The following AOAH variants were observed in gnomAD, a reference collection of about 807,000 sequenced individuals.
The protein encoded by AOAH is acyloxyacyl hydrolase.
AOAH carries 64 observed loss-of-function variants against 92.2 expected under a neutral mutation model. That is an observed-to-expected ratio of 0.69 (90% CI 0.57 to 0.86). The LOEUF (loss-of-function observed/expected upper bound fraction) is 0.86, where lower values mean the gene tolerates loss of function less well. Among genes scored for constraint, AOAH ranks in the 40% least tolerant of loss-of-function variants. AOAH has a pLI of 0.00. For missense variants in AOAH, 656 were observed against 694.6 expected, an observed-to-expected ratio of 0.94 and a Z score of 0.62; for synonymous variants, 263 against 254.5, an observed-to-expected ratio of 1.03 and a Z score of -0.32.
intron 6 of AOAH, among the ~76,000 whole-genome samples, chr7:36,626,487 A>G (rs1421449641): frequency 6.6e-6 from 1 of 152,218 alleles, no homozygotes; most frequent in East Asian, 1.9e-4. Context: ...ATAAATTGCA[A>G]CTTGTGTAAT....
intron 11 of AOAH, among the ~76,000 whole-genome samples, chr7:36,615,316 A>G (rs1203238401): frequency 6.6e-6 from 1 of 152,370 alleles, no homozygotes; most frequent in Non-Finnish European, 1.5e-5. Flanking sequence ...ATAGCAAATA[A>G]GAAAATACCA....
intron 6 of AOAH, among the ~76,000 whole-genome samples, chr7:36,628,192 A>ACAAT (rs1230257978): frequency 6.6e-6 from 1 of 152,218 alleles, no homozygotes; most frequent in Non-Finnish European, 1.5e-5. Context: ...TTGAATTAAC[A>ACAAT]CAATCAACAA....
At chr7:36,537,923 T>A (rs1038477373) in intron 16 of AOAH, among the ~76,000 whole-genome samples, 4 of 151,718 alleles carry the variant, frequency 2.6e-5, no homozygotes, top group African/African-American at 4.8e-5. Context: ...TCCACAGAAG[T>A]GGACAAATCC....
chr7:36,661,985 C>A (rs1350179083), intron 3 of AOAH, among the ~76,000 whole-genome samples: 1 of 152,164 alleles, frequency 6.6e-6, no homozygotes, highest in African/African-American at 2.4e-5. Context: ...GCAGTTGTAA[C>A]GGTTGCTAAA....
intron 1 of AOAH, among the ~76,000 whole-genome samples, chr7:36,708,965 G>A (rs1798596861): frequency 6.6e-6 from 1 of 152,112 alleles, no homozygotes; most frequent in East Asian, 1.9e-4. Context: ...TATTCTAAGT[G>A]GCAGCCAGTT....
chr7:36,711,646 A>AGG (rs1313977708), intron 1 of AOAH, among the ~76,000 whole-genome samples: 4 of 152,134 alleles, frequency 2.6e-5, no homozygotes, highest in African/African-American at 9.7e-5. Flanking sequence ...GAGAAGAGAG[A>AGG]GTGTATGGGA....
chr7:36,517,206 C>CTTTCTTTCTTTCTTTCT (rs1554360930), intron 20 of AOAH, among the ~76,000 whole-genome samples: 2,204 of 47,194 alleles, frequency 0.047, 125 homozygotes, highest in African/African-American at 0.052. Context: ...TTCTTTCTTT[C>CTTTCTTTCTTTCTTTCT]TTTCTTTCTC....
intron 3 of AOAH, 148 bp from the exon 4 acceptor site, chr7:36,659,413 C>T: frequency 1.5e-6 from 1 of 646,410 alleles, no homozygotes; most frequent in South Asian, 1.8e-5. Flanking sequence ...TCCCGGGGAG[C>T]TGCTGGATGG....
intron 1 of AOAH, among the ~76,000 whole-genome samples, chr7:36,723,633 G>A (rs929594364): frequency 3.9e-5 from 6 of 152,166 alleles, no homozygotes; most frequent in African/African-American, 7.2e-5. Context: ...CAGCCAGTAG[G>A]AAATGGGAGA....
At chr7:36,692,377 T>C (rs1349189810) in intron 1 of AOAH, among the ~76,000 whole-genome samples, 1 of 152,256 alleles carries the variant, frequency 6.6e-6, no homozygotes, top group Non-Finnish European at 1.5e-5. Flanking sequence ...GAATCTTCTT[T>C]TATTGCAGAC....
chr7:36,641,338 C>T (rs1562650251), intron 4 of AOAH, among the ~76,000 whole-genome samples: 1 of 152,156 alleles, frequency 6.6e-6, no homozygotes, highest in African/African-American at 2.4e-5. Flanking sequence ...CCTCCTCAGC[C>T]CCCTTTGGAT....
chr7:36,680,328 G>A (rs368020839), intron 2 of AOAH, among the ~76,000 whole-genome samples: 1 of 152,238 alleles, frequency 6.6e-6, no homozygotes, highest in South Asian at 2.1e-4. Flanking sequence ...AAGGCAACAT[G>A]ATTTACTAAG....
chr7:36,596,072 A>T (rs1355429275), intron 11 of AOAH, among the ~76,000 whole-genome samples: 2 of 152,166 alleles, frequency 1.3e-5, no homozygotes, highest in Admixed American at 1.3e-4. Flanking sequence ...ACTCCTTGAA[A>T]GTATGTCATT....
chr7:36,671,144 T>C (rs1288044378), intron 3 of AOAH, among the ~76,000 whole-genome samples: 1 of 150,740 alleles, frequency 6.6e-6, no homozygotes, highest in African/African-American at 2.4e-5. Flanking sequence ...AAAGGGTTTC[T>C]TTTTTTTACT....
In AOAH at chr7:36,549,563, A is replaced by T. The variant is rs1583790752; in HGVS notation, c.1022-88T>A. On this transcript the variant is annotated intron_variant, in intron 13 of 20. Transcript: ENST00000617537. The stretch of plus-strand genomic sequence containing the variant: ...GGGAGTCTGATTGACTGAACTCATG[A>T]AAGCGGCATTACTGTTCGGGCAAAG... 6.7e-6 allele frequency: 6 copies of T among 900,312 alleles called. No individual in the cohort carries two copies. The East Asian group carries it at 1.5e-4, about 22-fold the overall frequency. 55.8% of individuals were successfully genotyped at this position (900,312 alleles called of 1,614,324 possible).
At chr7:36,680,379 A>C (rs1242506226) in intron 2 of AOAH, among the ~76,000 whole-genome samples, 2 of 152,240 alleles carry the variant, frequency 1.3e-5, no homozygotes, top group African/African-American at 4.8e-5. Context: ...TTTCCCTGCT[A>C]AAACTTTGTT....
At chr7:36,648,490 A>G (rs941411426) in intron 4 of AOAH, among the ~76,000 whole-genome samples, 1 of 152,094 alleles carries the variant, frequency 6.6e-6, no homozygotes, top group African/African-American at 2.4e-5. Flanking sequence ...GGCATATTAC[A>G]AAACATTTAC....
At chr7:36,632,131 A>C in intron 5 of AOAH, 25 bp from the exon 6 acceptor site, 1 of 1,588,262 alleles carries the variant, frequency 6.3e-7, no homozygotes, top group Non-Finnish European at 8.6e-7. Flanking sequence ...AAAAACAAAA[A>C]GAGAGTTGTT....
chr7:36,690,204 A>G (rs1341955352), intron 1 of AOAH: 6 of 391,358 alleles, frequency 1.5e-5, no homozygotes, highest in African/African-American at 1.4e-4. Context: ...ATCATTAGCT[A>G]GATAAAAAGA....
Sources: gnomAD v4.1 joint callset for allele counts (sites outside exome capture counted in the v4.1 genomes callset) on GRCh38, gnomAD v4.1.1 for gene constraint, MANE v1.5 for transcripts, NCBI Gene and HGNC (gene_info 2026-07-23, HGNC 2026-07-21) for gene names.